PPP1R11: variants seen among roughly 807,000 people sequenced by gnomAD.
The protein encoded by PPP1R11 is protein phosphatase 1 regulatory inhibitor subunit 11, also known as E3 ubiquitin-protein ligase PPP1R11.
PPP1R11 carries 10 observed loss-of-function variants against 11.3 expected under a neutral mutation model. The ratio of observed to expected loss-of-function variants is 0.88; its 90% CI spans 0.55 to 1.50. PPP1R11 has a LOEUF of 1.50. Ranked by LOEUF, PPP1R11 falls within the 40% of genes most tolerant of loss-of-function variation. The pLI, the probability that PPP1R11 is intolerant of heterozygous loss-of-function variation, is 0.00. For missense variants in PPP1R11, 114 were observed against 179.1 expected, an observed-to-expected ratio of 0.64 and a Z score of 2.07; for synonymous variants, 56 against 62.3, an observed-to-expected ratio of 0.90 and a Z score of 0.48.
upstream of PPP1R11, among the ~76,000 whole-genome samples, chr6:30,062,581 C>T (rs916369005): frequency 1.3e-4 from 15 of 115,564 alleles, no homozygotes; most frequent in Non-Finnish European, 2.1e-4. Flanking sequence ...GACAGGGTGT[C>T]GCTCTGTCAC....
At position 30,069,526 on chromosome 6, in the gene PPP1R11, CG is replaced by C. The variant is rs919282238; in HGVS notation, c.*221del. On this transcript the variant is annotated 3_prime_UTR_variant, in exon 3 of 3. Coordinates refer to ENST00000376772, the MANE Select transcript of PPP1R11 (RefSeq NM_021959.3). The surrounding 1 kb of genome is among the most constrained non-coding windows in gnomAD (Gnocchi z 6.6). ...CCTCCCAATACCCACCCTTCTCTCT[CG>C]AGGGATCTAGGCACCTTGGTCCCAG... 7 of 466,844 alleles carry C rather than the reference CG, an allele frequency of 1.5e-5. No individual in the cohort carries two copies. Among genetic ancestry groups the C allele is most frequent in the African/African-American group, 1.4e-4 (7 of 50,606 alleles). 28.9% of individuals were successfully genotyped at this position (466,844 alleles called of 1,614,324 possible).
chr6:30,062,114 A>G (rs1765127630), upstream of PPP1R11: 1 of 1,450,554 alleles, frequency 6.9e-7, no homozygotes, highest in South Asian at 1.1e-5. Context: ...CCCAATTCCA[A>G]GAGGGAAAAG....
At chr6:30,068,917 C>T (rs1157754652) in intron 2 of PPP1R11, among the ~76,000 whole-genome samples, 187 bp from the exon 3 acceptor site, 4 of 152,024 alleles carry the variant, frequency 2.6e-5, no homozygotes, top group Non-Finnish European at 4.4e-5. Flanking sequence ...AGAAGTGGGG[C>T]TTTGAATTCG....
At chr6:30,067,068 C>T, upstream of PPP1R11, 1 of 317,878 alleles carries the variant, frequency 3.1e-6, no homozygotes, top group Non-Finnish European at 5.9e-6. Flanking sequence ...AGTGACACCC[C>T]TTCCGCCAAA....
chr6:30,064,390 AAGTTTTT>A (rs1044800804), upstream of PPP1R11, among the ~76,000 whole-genome samples: 22 of 151,204 alleles, frequency 1.5e-4, no homozygotes, highest in Non-Finnish European at 3.1e-4. Context: ...CAGAAGTTTT[AAGTTTTT>A]ATAAGGTTCA....
rs753664615 is a variant in PPP1R11 at position 30,069,337 on chromosome 6, G to T, written c.*31G>T. 1 of 1,516,780 alleles carries T rather than the reference G, an allele frequency of 6.6e-7. No homozygotes were observed. The highest frequency in any genetic ancestry group is 9.0e-7 in the Non-Finnish European group (1 of 1,116,002). The allele number at this position is 1,516,780 out of a possible 1,614,324, so 94.0% of individuals were successfully genotyped here. A position where few individuals can be genotyped will look rare whatever the true frequency, so the allele number is the denominator to read the frequency against. On this transcript the variant is annotated 3_prime_UTR_variant, in exon 3 of 3. Transcript: ENST00000376772. This position sits in a 1 kb window ranked among gnomAD's most constrained non-coding sequence, Gnocchi z 6.6. ...TCTCTCCTCCAGCATTCCTGTGTCT[G>T]TCTGGCCCTAAATGTATCCATGTGG...
chr6:30,063,562 A>G (rs922903705), upstream of PPP1R11, among the ~76,000 whole-genome samples: 4 of 151,534 alleles, frequency 2.6e-5, no homozygotes, highest in African/African-American at 4.8e-5. The surrounding 1 kb of genome is among the most constrained non-coding windows in gnomAD (Gnocchi z 4.1). Context: ...ATTATATTCT[A>G]TGTCTTATAA....
At chr6:30,064,176 T>C (rs941061990), upstream of PPP1R11, among the ~76,000 whole-genome samples, 6 of 152,192 alleles carry the variant, frequency 3.9e-5, no homozygotes, top group Non-Finnish European at 7.3e-5. Context: ...ACAGAACTTT[T>C]AACCAGTGTG....
At chr6:30,067,546 T>C (rs1765631219) in intron 1 of PPP1R11, 67 bp downstream of exon 1, 1 of 1,547,908 alleles carries the variant, frequency 6.5e-7, no homozygotes, top group Non-Finnish European at 8.9e-7. Context: ...GGGACAGGGA[T>C]TAGAAGAGTT....
At chr6:30,064,647 A>G, upstream of PPP1R11, 1 of 1,601,262 alleles carries the variant, frequency 6.2e-7, no homozygotes, top group Non-Finnish European at 8.5e-7. Context: ...TTTGGTGAAT[A>G]TAACAAGTCC....
chr6:30,068,540 A>G (rs1765696287), intron 1 of PPP1R11, 50 bp from the exon 2 acceptor site: 2 of 1,486,440 alleles, frequency 1.3e-6, no homozygotes, highest in Non-Finnish European at 1.9e-6. Context: ...GGGAGTGGGA[A>G]AGGTTAGTAA....
At chr6:30,065,671 T>C (rs115056485), upstream of PPP1R11, among the ~76,000 whole-genome samples, 2,023 of 152,252 alleles carry the variant, frequency 0.013, 18 homozygotes, top group Non-Finnish European at 0.021. The surrounding 1 kb of genome is among the most constrained non-coding windows in gnomAD (Gnocchi z 5.3). Flanking sequence ...GGATGAATTG[T>C]ATATCTATTA....
chr6:30,062,054 G>A (rs918427048), upstream of PPP1R11: 4 of 1,587,010 alleles, frequency 2.5e-6, no homozygotes, highest in African/African-American at 2.7e-5. Flanking sequence ...TCCATAAGGT[G>A]GGTAGGAAAG....
chr6:30,063,582 C>T (rs1765283840), upstream of PPP1R11, among the ~76,000 whole-genome samples: 1 of 151,662 alleles, frequency 6.6e-6, no homozygotes, highest in African/African-American at 2.4e-5. This position sits in a 1 kb window ranked among gnomAD's most constrained non-coding sequence, Gnocchi z 4.1. Context: ...ATTCTGATAT[C>T]TGCGGATTTT....
Position 30,069,365 on chromosome 6 carries a change from A to C in PPP1R11, c.*59A>C. On this transcript the variant is annotated 3_prime_UTR_variant, in exon 3 of 3. Coordinates refer to ENST00000376772, the MANE Select transcript of PPP1R11 (RefSeq NM_021959.3). The surrounding 1 kb of genome is among the most constrained non-coding windows in gnomAD (Gnocchi z 6.6). The stretch of plus-strand genomic sequence containing the variant: ...TGGCCCTAAATGTATCCATGTGGCT[A>C]CTTCTCCAGCCCCCTCCTTCCCTCT... The C allele has an allele frequency of 1.5e-6, 2 of 1,312,324 alleles. No individual in the cohort carries two copies. The highest frequency in any genetic ancestry group is 2.1e-6 in the Non-Finnish European group (2 of 953,672). 81.3% of individuals were successfully genotyped at this position (1,312,324 alleles called of 1,614,324 possible).
chr6:30,068,028 T>C (rs9261284), intron 1 of PPP1R11, among the ~76,000 whole-genome samples: 1 of 152,150 alleles, frequency 6.6e-6, no homozygotes, highest in Non-Finnish European at 1.5e-5. Context: ...AGGGAGAAGG[T>C]TGCATTGGGC....
chr6:30,067,946 GA>G (rs1428099070), intron 1 of PPP1R11, among the ~76,000 whole-genome samples: 2 of 152,146 alleles, frequency 1.3e-5, no homozygotes, highest in African/African-American at 2.4e-5. Flanking sequence ...GGTATTTTGA[GA>G]AATCAGAGAG....
chr6:30,067,732 G>A (rs1463631096), intron 1 of PPP1R11: 1 of 446,070 alleles, frequency 2.2e-6, no homozygotes, highest in African/African-American at 2.0e-5. Flanking sequence ...GGGTGGTTAT[G>A]TGTGTAAGTA....
At chr6:30,062,101 G>C, upstream of PPP1R11, 1 of 1,485,670 alleles carries the variant, frequency 6.7e-7, no homozygotes, top group Non-Finnish European at 9.4e-7. Context: ...GGAGAGTTTT[G>C]TGCCCAATTC....
Sources: gnomAD v4.1 joint callset for allele counts (sites outside exome capture counted in the v4.1 genomes callset) on GRCh38, gnomAD v4.1.1 for gene constraint, Gnocchi (gnomAD v3.1) non-coding constraint, MANE v1.5 for transcripts, NCBI Gene and HGNC (gene_info 2026-07-23, HGNC 2026-07-21) for gene names.